ZNF140: variants seen among roughly 807,000 people sequenced by gnomAD.
ZNF140 encodes the protein zinc finger protein 140, also known as zinc finger protein 140 (clone pHZ-39).
In ZNF140, 13 loss-of-function variants were observed where a neutral mutation model predicts 12.9. The ratio of observed to expected loss-of-function variants is 1.01; its 90% CI spans 0.66 to 1.60. The LOEUF (loss-of-function observed/expected upper bound fraction) is 1.60. ZNF140 is among the 40% of genes most tolerant of loss of function. The pLI is 0.00. For missense variants in ZNF140, 531 were observed against 548.8 expected, an observed-to-expected ratio of 0.97 and a Z score of 0.32; for synonymous variants, 214 against 186.7, an observed-to-expected ratio of 1.15 and a Z score of -1.19.
chr12:133,083,272 T>C (rs1954564178), intron 3 of ZNF140, 43 bp downstream of exon 3: 1 of 1,588,302 alleles, frequency 6.3e-7, no homozygotes, highest in South Asian at 1.1e-5. Context: ...AATTTGACCG[T>C]TAGGGTGGCT....
At chr12:133,095,255 T>A in intron 4 of ZNF140, among the ~76,000 whole-genome samples, 1 of 151,108 alleles carries the variant, frequency 6.6e-6, no homozygotes. Context: ...GTAGAAGCTT[T>A]AACTCCCCCT....
chr12:133,090,276 G>A (rs1954811746), intron 4 of ZNF140, among the ~76,000 whole-genome samples: 2 of 152,094 alleles, frequency 1.3e-5, no homozygotes, highest in South Asian at 4.2e-4. Flanking sequence ...GTAGCTATAA[G>A]TACCGACACA....
At chr12:133,092,325 GA>G (rs1001944701) in intron 4 of ZNF140, among the ~76,000 whole-genome samples, 1 of 151,082 alleles carries the variant, frequency 6.6e-6, no homozygotes, top group Non-Finnish European at 1.5e-5. Flanking sequence ...CTCACTAACA[GA>G]ATACGATGCT....
At position 133,095,388 on chromosome 12, in the gene ZNF140, G is replaced by A. The variant is rs76570871; in HGVS notation, c.233-10122G>A. On this transcript the variant is annotated intron_variant, in intron 4 of 4. Transcript: ENST00000355557. ...CGCAAGGCTGACTGTGGATGTACTTGGGAATCTCTCGTCGGCTGTCCTCAA... is the reference window on the plus strand; with the variant it reads ...CGCAAGGCTGACTGTGGATGTACTTAGGAATCTCTCGTCGGCTGTCCTCAA... 6.0e-5 allele frequency among the ~76,000 whole-genome samples: 9 copies of A among 150,906 alleles called. No homozygotes were observed. The South Asian group carries it at 1.7e-3, about 28-fold the overall frequency.
At position 133,093,647 on chromosome 12, in the gene ZNF140, C is replaced by T. The variant is rs972150293; in HGVS notation, c.232+10086C>T. The T allele has an allele frequency of 1.7e-5, 10 of 589,088 alleles. 1 individual carries two copies. The highest frequency in any genetic ancestry group is 8.1e-5 in the South Asian group (4 of 49,332). 36.5% of individuals were successfully genotyped at this position (589,088 alleles called of 1,614,324 possible). A position where few individuals can be genotyped will look rare whatever the true frequency, so the allele number is the denominator to read the frequency against. On this transcript the variant is annotated intron_variant, in intron 4 of 4. Transcript: ENST00000355557. Reference sequence around the variant, plus strand: ...TTAGTTTTCCCTCATGTGGGCTGTTCTTTTTACCAGTAAAATGTTGTTCTG... The same window carrying T: ...TTAGTTTTCCCTCATGTGGGCTGTTTTTTTTACCAGTAAAATGTTGTTCTG...
intron 4 of ZNF140, among the ~76,000 whole-genome samples, chr12:133,088,567 T>G: frequency 6.6e-6 from 1 of 152,242 alleles, no homozygotes; most frequent in Admixed American, 6.5e-5. Flanking sequence ...AGCACATCTG[T>G]GTGCAGGTTT....
intron 4 of ZNF140, among the ~76,000 whole-genome samples, chr12:133,084,378 A>T (rs1341215941): frequency 4.6e-5 from 7 of 152,232 alleles, no homozygotes; most frequent in African/African-American, 1.7e-4. Flanking sequence ...AATCTTGTCA[A>T]ATCTTTCTCA....
At chr12:133,089,953 G>C (rs1343668360) in intron 4 of ZNF140, among the ~76,000 whole-genome samples, 1 of 151,568 alleles carries the variant, frequency 6.6e-6, no homozygotes, top group African/African-American at 2.4e-5. Flanking sequence ...GGGTTCAAGC[G>C]ATTCTTCTGC....
Position 133,095,314 on chromosome 12 carries a change from G to C in ZNF140, c.233-10196G>C, listed in dbSNP as rs78477117. Among the ~76,000 whole-genome samples, 5 of 151,008 alleles carry C rather than the reference G, an allele frequency of 3.3e-5. No homozygotes were observed. In the South Asian group the frequency reaches 8.4e-4, roughly 25 times the overall value. ...GCTGAGATAAGAGGCATATTTACTTGCAGTTTGCCCCATTGTTACCCTGGA... is the reference window on the plus strand; with the variant it reads ...GCTGAGATAAGAGGCATATTTACTTCCAGTTTGCCCCATTGTTACCCTGGA... On this transcript the variant is annotated intron_variant, in intron 4 of 4. Coordinates refer to ENST00000355557, the MANE Select transcript of ZNF140 (RefSeq NM_003440.4).
At chr12:133,096,794 G>A (rs761312590) in intron 4 of ZNF140, among the ~76,000 whole-genome samples, 2,903 of 152,260 alleles carry the variant, frequency 0.019, 121 homozygotes, top group Admixed American at 0.077. Flanking sequence ...TAAGAATTGC[G>A]TCTATCTTCG....
chr12:133,088,072 G>A (rs1206489817), intron 4 of ZNF140, among the ~76,000 whole-genome samples: 2 of 150,564 alleles, frequency 1.3e-5, no homozygotes, highest in African/African-American at 2.4e-5. Context: ...AGAGGGTGCA[G>A]TAAGTTGAGA....
chr12:133,090,846 C>CTA lies in ZNF140; in HGVS notation c.232+7286_232+7287dup, dbSNP rs1198206648. Among the ~76,000 whole-genome samples the CTA allele has an allele frequency of 3.9e-5, 5 of 129,088 alleles. 1 individual carries two copies. The highest frequency in any genetic ancestry group is 1.1e-4 in the African/African-American group (4 of 35,630). 84.7% of individuals were successfully genotyped at this position (129,088 alleles called of 152,430 possible). A position where few individuals can be genotyped will look rare whatever the true frequency, so the allele number is the denominator to read the frequency against. On this transcript the variant is annotated intron_variant, in intron 4 of 4. Coordinates refer to ENST00000355557, the MANE Select transcript of ZNF140 (RefSeq NM_003440.4). ...TTAGGTTTAAGGGAAGGTACTATGCCTAGATGTGCATGTAATCCAGATTTA... is the reference window on the plus strand; with the variant it reads ...TTAGGTTTAAGGGAAGGTACTATGCCTATAGATGTGCATGTAATCCAGATTTA...
chr12:133,087,537 C>T lies in ZNF140; in HGVS notation c.232+3976C>T, dbSNP rs1321918162. On this transcript the variant is annotated intron_variant, in intron 4 of 4. Coordinates refer to ENST00000355557, the MANE Select transcript of ZNF140 (RefSeq NM_003440.4). Reference sequence around the variant, plus strand: ...TTTTTGGCTAGTCAAAAAAAAAAAGCGGGAGTGGAGGAGAAACAAAGAAAT... The same window carrying T: ...TTTTTGGCTAGTCAAAAAAAAAAAGTGGGAGTGGAGGAGAAACAAAGAAAT... Among the ~76,000 whole-genome samples, 809 of 116,600 alleles carry T rather than the reference C, an allele frequency of 6.9e-3. 8 individuals carry two copies. The highest frequency in any genetic ancestry group is 0.024 in the African/African-American group (758 of 31,192). The allele number at this position is 116,600 out of a possible 152,430, so 76.5% of individuals were successfully genotyped here.
chr12:133,101,602 G>A (rs111396878), intron 4 of ZNF140, among the ~76,000 whole-genome samples: 3,728 of 152,038 alleles, frequency 0.025, 65 homozygotes, highest in South Asian at 0.063. Context: ...TCGCTACCAC[G>A]CCCGGCTAAT....
Position 133,106,055 on chromosome 12 carries a change from C to T in ZNF140, c.778C>T (p.Leu260Phe), listed in dbSNP as rs1295763756. The change falls in exon 5 of 5, where the codon CTC becomes TTC. Residue 260 changes from leucine to phenylalanine, a missense_variant. Physicochemically the swap from Leu to Phe is conservative, Grantham distance 22 (BLOSUM62 0). Coordinates refer to ENST00000355557, the MANE Select transcript of ZNF140 (RefSeq NM_003440.4). The part of the protein sequence containing the change: ...CGKAFSRASN[L>F]TRHQRIHIGK... ...AAAGGCCTTTAGCCGTGCCTCCAAC[C>T]TCACTCGACATCAAAGAATTCACAT... The T allele has an allele frequency of 1.9e-6, 3 of 1,614,006 alleles. No homozygotes were observed. The highest frequency in any genetic ancestry group is 2.5e-6 in the Non-Finnish European group (3 of 1,180,018).
chr12:133,096,731 C>G (rs1183095311), intron 4 of ZNF140, among the ~76,000 whole-genome samples: 1 of 152,198 alleles, frequency 6.6e-6, no homozygotes, highest in Non-Finnish European at 1.5e-5. Context: ...GGTCTGACAG[C>G]ACATATTATA....
chr12:133,092,762 C>T (rs1003550333), intron 4 of ZNF140, among the ~76,000 whole-genome samples: 1 of 151,204 alleles, frequency 6.6e-6, no homozygotes, highest in Non-Finnish European at 1.5e-5. Flanking sequence ...AGCCTGTGAA[C>T]ATGAGTGGGC....
chr12:133,101,270 C>A (rs1955336037), intron 4 of ZNF140, among the ~76,000 whole-genome samples: 1 of 152,030 alleles, frequency 6.6e-6, no homozygotes. Flanking sequence ...GTTCTTCCTT[C>A]TTTTTTAGTA....
chr12:133,080,996 C>G lies in ZNF140; in HGVS notation c.-125C>G, dbSNP rs1339911535. The G allele has an allele frequency of 5.9e-6, 1 of 168,134 alleles. No homozygotes were observed. Among genetic ancestry groups the G allele is most frequent in the Non-Finnish European group, 1.3e-5 (1 of 76,794 alleles). The allele number at this position is 168,134 out of a possible 1,614,324, so 10.4% of individuals were successfully genotyped here. A position where few individuals can be genotyped will look rare whatever the true frequency, so the allele number is the denominator to read the frequency against. ...CGCCGGATGGCCCCGGGCGGTGACT[C>G]GGTCCGGAGCCCTGGAACGCTACGC... On this transcript the variant is annotated 5_prime_UTR_variant, in exon 1 of 5. Transcript: ENST00000355557.
Sources: allele counts gnomAD v4.1 joint callset (sites outside exome capture counted in the v4.1 genomes callset), GRCh38; gene constraint gnomAD v4.1.1; transcripts MANE v1.5; gene names NCBI Gene and HGNC (gene_info 2026-07-23, HGNC 2026-07-21).